ZNF354A: variants seen among roughly 807,000 people sequenced by gnomAD.
The protein encoded by ZNF354A is zinc finger protein 354A.
A neutral mutation model predicts 53.3 loss-of-function variants in ZNF354A; 25 were observed. The observed-to-expected ratio is 0.47, with a 90% CI of 0.34 to 0.66. ZNF354A has a LOEUF of 0.66. Among genes scored for constraint, ZNF354A ranks in the 30% least tolerant of loss-of-function variants. The pLI, the probability that ZNF354A is intolerant of heterozygous loss-of-function variation, is 0.01. For synonymous variants in ZNF354A, 228 were observed against 249.0 expected (o/e 0.92, Z 0.79); for missense variants, 586 against 716.8 (o/e 0.82, Z 2.08).
chr5:178,716,801 G>C (rs1016693899), intron 4 of ZNF354A, among the ~76,000 whole-genome samples: 1 of 152,102 alleles, frequency 6.6e-6, no homozygotes, highest in East Asian at 1.9e-4. Context: ...GAACGGGGCC[G>C]GGCGTGGTGG....
rs375156389 is a variant in ZNF354A at position 178,712,942 on chromosome 5, G to T, written c.936C>A (p.Gly312=). Residue 312 remains glycine (G), a synonymous_variant, in exon 5 of 5, where the codon GGC becomes GGA. Coordinates refer to ENST00000335815, the MANE Select transcript of ZNF354A (RefSeq NM_005649.3). The part of the protein sequence containing the change: ...ECGKSFSRRS[G]LFIHQKIHAE... ...CATGAATTTTTTGATGTATAAAAAGGCCTGACCTTCGGCTGAAGGATTTAC... is the reference window on the plus strand; with the variant it reads ...CATGAATTTTTTGATGTATAAAAAGTCCTGACCTTCGGCTGAAGGATTTAC... 21 of 1,613,994 alleles carry T rather than the reference G, an allele frequency of 1.3e-5. No homozygotes were observed. In the East Asian group the frequency reaches 2.2e-4, roughly 17 times the overall value.
chr5:178,712,463 C>T lies in ZNF354A; in HGVS notation c.1415G>A (p.Gly472Glu). 6.2e-7 allele frequency: 1 copy of T among 1,613,940 alleles called. No homozygotes were observed. The highest frequency in any genetic ancestry group is 1.1e-5 in the South Asian group (1 of 91,066). ...AGCTGAACTCTGTCTGAAGGCTTTTCCACATACTTTACATTTACATGGTTT... is the reference window on the plus strand; with the variant it reads ...AGCTGAACTCTGTCTGAAGGCTTTTTCACATACTTTACATTTACATGGTTT... ...GEKPCKCKVC[G>E]KAFRQSSALI... Residue 472 changes from glycine (G) to glutamate (E), a missense_variant, in exon 5 of 5, where the codon GGA (glycine) becomes GAA (glutamate). Gly to Glu is a moderately conservative substitution (Grantham distance 98). Coordinates refer to ENST00000335815, the MANE Select transcript of ZNF354A (RefSeq NM_005649.3).
rs112376136 is a variant in ZNF354A, at chr5:178,726,134, G to A, written c.161-663C>T. ...TGGGATTACAGGTGTGAGCCACCGC[G>A]CCCGGCCTATGTGACTCCCTTTTAA... On this transcript the variant is annotated intron_variant, in intron 3 of 4. Coordinates refer to ENST00000335815, the MANE Select transcript of ZNF354A (RefSeq NM_005649.3). The A allele has an allele frequency of 5.1e-3, 2,333 of 454,594 alleles. 8 individuals are homozygous for A. The highest frequency in any genetic ancestry group is 0.01 in the Middle Eastern group (31 of 3,070). The allele number at this position is 454,594 out of a possible 1,614,324, so 28.2% of individuals were successfully genotyped here.
At chr5:178,718,549 T>C (rs116587918) in intron 4 of ZNF354A, among the ~76,000 whole-genome samples, 1,753 of 152,340 alleles carry the variant, frequency 0.012, 15 homozygotes, top group Middle Eastern at 0.02. Flanking sequence ...CCGGTTAGAA[T>C]TTCCACTTGT....
At chr5:178,721,764 T>C (rs1391947799) in intron 4 of ZNF354A, among the ~76,000 whole-genome samples, 1 of 152,158 alleles carries the variant, frequency 6.6e-6, no homozygotes, top group African/African-American at 2.4e-5. Flanking sequence ...ATATCTCCCA[T>C]ACTCGACTCC....
intron 4 of ZNF354A, among the ~76,000 whole-genome samples, chr5:178,718,723 T>A (rs1303098819): frequency 1.3e-5 from 2 of 152,176 alleles, no homozygotes; most frequent in African/African-American, 2.4e-5. Flanking sequence ...TAGGCAGTCA[T>A]CAAAATCTTC....
intron 4 of ZNF354A, among the ~76,000 whole-genome samples, chr5:178,720,610 C>T (rs896646249): frequency 6.6e-6 from 1 of 152,184 alleles, no homozygotes; most frequent in Non-Finnish European, 1.5e-5. Context: ...GGGAGCGGGG[C>T]CCTGCGAATA....
chr5:178,717,485 C>A (rs371373265), intron 4 of ZNF354A, among the ~76,000 whole-genome samples: 1 of 151,692 alleles, frequency 6.6e-6, no homozygotes, highest in African/African-American at 2.4e-5. Flanking sequence ...CACCAACCAC[C>A]AAGAAGGGAA....
intron 4 of ZNF354A, among the ~76,000 whole-genome samples, chr5:178,723,292 T>C (rs1013694967): frequency 6.6e-6 from 1 of 152,176 alleles, no homozygotes; most frequent in Non-Finnish European, 1.5e-5. Flanking sequence ...CACTGAGCCC[T>C]CTGGACCTGA....
chr5:178,720,048 TG>T (rs796116845), intron 4 of ZNF354A, among the ~76,000 whole-genome samples: 46 of 152,300 alleles, frequency 3.0e-4, no homozygotes, highest in African/African-American at 1.0e-3. Flanking sequence ...TAAACCATGA[TG>T]GGGGTAGTAC....
At chr5:178,717,060 AGAGT>A (rs999874902) in intron 4 of ZNF354A, among the ~76,000 whole-genome samples, 3 of 136,300 alleles carry the variant, frequency 2.2e-5, no homozygotes. Context: ...CCTGGGCGAC[AGAGT>A]GAGACTCCAT....
chr5:178,729,892 T>G (rs1765996700), intron 1 of ZNF354A, among the ~76,000 whole-genome samples: 1 of 143,480 alleles, frequency 7.0e-6, no homozygotes, highest in Admixed American at 7.1e-5. Flanking sequence ...TGAGACGGAG[T>G]CTCGCTCTGT....
In ZNF354A at chr5:178,719,472, T is replaced by G. The variant is rs139308458; in HGVS notation, c.257-5851A>C. Among the ~76,000 whole-genome samples, 49 of 152,306 alleles carry G rather than the reference T, an allele frequency of 3.2e-4. 2 individuals carry two copies. Among genetic ancestry groups the G allele is most frequent in the Non-Finnish European group, 8.8e-5 (6 of 68,020 alleles). On this transcript the variant is annotated intron_variant, in intron 4 of 4. Transcript: ENST00000335815. ...AGCAGGACGCTGCTGGAGTGTTTCG[T>G]AAGAATTGACATATAAGATAGGATG...
At chr5:178,726,922 AC>A in intron 3 of ZNF354A, 76 bp downstream of exon 3, 2 of 1,528,684 alleles carry the variant, frequency 1.3e-6, no homozygotes, top group East Asian at 4.5e-5. Context: ...TCAGTGACCA[AC>A]CGCTTTTATT....
chr5:178,726,919 C>T (rs1765919366), intron 3 of ZNF354A, 80 bp downstream of exon 3: 2 of 1,525,256 alleles, frequency 1.3e-6, no homozygotes, highest in South Asian at 1.3e-5. Context: ...TTTTCAGTGA[C>T]CAACCGCTTT....
At chr5:178,715,127 AATAG>A (rs1458642560) in intron 4 of ZNF354A, among the ~76,000 whole-genome samples, 32 of 152,394 alleles carry the variant, frequency 2.1e-4, no homozygotes, top group South Asian at 6.2e-4. Flanking sequence ...AACACAATTC[AATAG>A]ATAGTAAATT....
chr5:178,724,286 G>A (rs1487053467), intron 4 of ZNF354A, among the ~76,000 whole-genome samples: 3 of 151,020 alleles, frequency 2.0e-5, no homozygotes, highest in Non-Finnish European at 2.9e-5. Flanking sequence ...GTGAAGTGGC[G>A]CAATCTCGGC....
intron 4 of ZNF354A, among the ~76,000 whole-genome samples, chr5:178,723,368 C>T (rs1374090620): frequency 2.0e-5 from 3 of 152,224 alleles, no homozygotes; most frequent in Admixed American, 6.5e-5. Flanking sequence ...CAGCCTAGGC[C>T]TGCCCTGGGC....
At chr5:178,727,976 G>C (rs1304978940) in intron 2 of ZNF354A, among the ~76,000 whole-genome samples, 2 of 152,090 alleles carry the variant, frequency 1.3e-5, no homozygotes, top group Admixed American at 1.3e-4. Context: ...TCGGCCTCCT[G>C]AGTAGGTGGG....
Sources: allele counts gnomAD v4.1 joint callset (sites outside exome capture counted in the v4.1 genomes callset), GRCh38; gene constraint gnomAD v4.1.1; transcripts MANE v1.5; gene names NCBI Gene and HGNC (gene_info 2026-07-23, HGNC 2026-07-21).